ENDOD1: variants seen among roughly 807,000 people sequenced by gnomAD.
ENDOD1 encodes endonuclease domain-containing 1 protein.
ENDOD1 carries 9 observed loss-of-function variants against 6.5 expected under a neutral mutation model. The observed-to-expected ratio is 1.39, with a 90% CI of 0.84 to 2.43. The LOEUF (loss-of-function observed/expected upper bound fraction) is 2.43. Among genes scored for constraint, ENDOD1 ranks in the 30% most tolerant of loss-of-function variants. The pLI, the probability that ENDOD1 is intolerant of heterozygous loss-of-function variation, is 0.00. For synonymous variants in ENDOD1, 255 were observed against 255.2 expected (o/e 1.00, Z 0.01); for missense variants, 648 against 635.5 (o/e 1.02, Z -0.21).
At chr11:95,114,943 G>A (rs765254328) in intron 1 of ENDOD1, among the ~76,000 whole-genome samples, 5 of 152,110 alleles carry the variant, frequency 3.3e-5, no homozygotes, top group Non-Finnish European at 7.4e-5. Flanking sequence ...CTCCTGTTTT[G>A]TTCATTTTAC....
Position 95,129,536 on chromosome 11 carries a change from G to T in ENDOD1, c.1460G>T (p.Arg487Leu), listed in dbSNP as rs745428202. The change falls in exon 2 of 2, where the codon CGG becomes CTG. Residue 487 changes from arginine to leucine, a missense_variant. By Grantham distance (102) the Arg-to-Leu change is moderately radical (BLOSUM62 -2). Coordinates refer to ENST00000278505, the MANE Select transcript of ENDOD1 (RefSeq NM_015036.3). Reference protein sequence around the residue: ...LFQVVFSVCKRIGYKVTFDNS... With the variant: ...LFQVVFSVCKLIGYKVTFDNS... ...CAGGTGGTTTTTAGTGTCTGCAAGCGGATTGGCTACAAGGTTACTTTTGAC... is the reference window on the plus strand; with the variant it reads ...CAGGTGGTTTTTAGTGTCTGCAAGCTGATTGGCTACAAGGTTACTTTTGAC... 6.2e-7 allele frequency: 1 copy of T among 1,614,050 alleles called. No individual in the cohort carries two copies. Among genetic ancestry groups the T allele is most frequent in the South Asian group, 1.1e-5 (1 of 91,068 alleles).
At chr11:95,101,520 GT>G (rs1859040857) in intron 1 of ENDOD1, among the ~76,000 whole-genome samples, 1 of 146,086 alleles carries the variant, frequency 6.8e-6, no homozygotes. Context: ...ACAATACTTA[GT>G]TTTTTAAGAT....
At chr11:95,108,781 G>A (rs1472763137) in intron 1 of ENDOD1, among the ~76,000 whole-genome samples, 3 of 151,972 alleles carry the variant, frequency 2.0e-5, no homozygotes, top group Admixed American at 1.3e-4. Flanking sequence ...TCCTTCCCTC[G>A]CTGGGTATTT....
At chr11:95,094,126 TATATAATTA>T (rs1555110101) in intron 1 of ENDOD1, among the ~76,000 whole-genome samples, 1 of 148,124 alleles carries the variant, frequency 6.8e-6, no homozygotes, top group Non-Finnish European at 1.5e-5. Flanking sequence ...ATATATAAAT[TATATAATTA>T]ATATATTATA....
chr11:95,121,994 G>A (rs1222946755), intron 1 of ENDOD1, among the ~76,000 whole-genome samples: 1 of 152,128 alleles, frequency 6.6e-6, no homozygotes, highest in Admixed American at 6.5e-5. Context: ...GTGCAAATGA[G>A]CAGGTATAAT....
intron 1 of ENDOD1, among the ~76,000 whole-genome samples, chr11:95,100,434 G>C (rs1003445524): frequency 6.6e-6 from 1 of 152,038 alleles, no homozygotes; most frequent in African/African-American, 2.4e-5. Context: ...GCCTTATCTG[G>C]TTTCACTCAA....
At position 95,129,215 on chromosome 11, in the gene ENDOD1, G is replaced by A; in HGVS notation, c.1139G>A (p.Gly380Asp). Residue 380 changes from glycine (G) to aspartate (D), a missense_variant, in exon 2 of 2, where the codon GGC (glycine) becomes GAC (aspartate). Transcript: ENST00000278505. The stretch of plus-strand genomic sequence containing the variant: ...ATAGAAAGTTGCCTTTACCGCCTGG[G>A]CTCAGCCACCATCTCATACTTCATG... The part of the protein sequence containing the change: ...NGIESCLYRL[G>D]SATISYFMAI... The A allele has an allele frequency of 1.2e-6, 2 of 1,614,128 alleles. No homozygotes were observed. The highest frequency in any genetic ancestry group is 1.7e-6 in the Non-Finnish European group (2 of 1,180,038).
In ENDOD1 at chr11:95,089,899, TC is replaced by T. The variant is rs2134158272; in HGVS notation, c.-28del. The stretch of plus-strand genomic sequence containing the variant: ...GCTCGCGCCGCGGCAGCCCAGCCGC[TC>T]GGCCCCGCCGCGCTCGCAGAGGCCG... On this transcript the variant is annotated 5_prime_UTR_variant, in exon 1 of 2. Coordinates refer to ENST00000278505, the MANE Select transcript of ENDOD1 (RefSeq NM_015036.3). 1 of 1,310,774 alleles carries T rather than the reference TC, an allele frequency of 7.6e-7. No homozygotes were observed. Among genetic ancestry groups the T allele is most frequent in the East Asian group, 3.2e-5 (1 of 31,732 alleles). The allele number at this position is 1,310,774 out of a possible 1,614,324, so 81.2% of individuals were successfully genotyped here. A position where few individuals can be genotyped will look rare whatever the true frequency, so the allele number is the denominator to read the frequency against.
chr11:95,099,004 TCTGGC>T (rs1859012432), intron 1 of ENDOD1, among the ~76,000 whole-genome samples: 5 of 152,158 alleles, frequency 3.3e-5, no homozygotes, highest in Non-Finnish European at 7.3e-5. Context: ...TGTTTCTAGC[TCTGGC>T]AGTCACACGC....
rs920424941 is a variant in ENDOD1, at chr11:95,129,720, A to T, written c.*141A>T. ...TGTCTGCTTGTTTTTGCAAAAGAAG[A>T]TGGCAGAATTTAGACTTGACAGAGG... On this transcript the variant is annotated 3_prime_UTR_variant, in exon 2 of 2. Transcript: ENST00000278505. 1.0e-5 allele frequency: 9 copies of T among 873,422 alleles called. No individual in the cohort carries two copies. Among genetic ancestry groups the T allele is most frequent in the Admixed American group, 8.3e-5 (3 of 36,112 alleles). 54.1% of individuals were successfully genotyped at this position (873,422 alleles called of 1,614,324 possible). A position where few individuals can be genotyped will look rare whatever the true frequency, so the allele number is the denominator to read the frequency against.
At position 95,129,370 on chromosome 11, in the gene ENDOD1, C is replaced by T. The variant is rs542402617; in HGVS notation, c.1294C>T (p.Arg432Cys). ...TTGCCGAGTTCTGAGCATCCCTGTC[C>T]GTGTCCTTGTGGATGTGGCCACTTT... is the stretch of plus-strand genomic sequence containing the variant. ...AICRVLSIPVRVLVDVATFPV... is the reference protein window; with the variant it reads ...AICRVLSIPVCVLVDVATFPV... Residue 432 changes from arginine to cysteine, a missense_variant, in exon 2 of 2, where the codon CGT (arginine) becomes TGT (cysteine). Arg to Cys is a radical substitution (Grantham distance 180). Coordinates refer to ENST00000278505, the MANE Select transcript of ENDOD1 (RefSeq NM_015036.3). The T allele has an allele frequency of 1.4e-5, 22 of 1,614,128 alleles. No homozygotes were observed. The highest frequency in any genetic ancestry group is 6.7e-5 in the Admixed American group (4 of 60,024).
intron 1 of ENDOD1, among the ~76,000 whole-genome samples, chr11:95,105,166 C>T (rs1859077716): frequency 6.6e-6 from 1 of 152,182 alleles, no homozygotes; most frequent in Admixed American, 6.5e-5. Context: ...AGATGGCACT[C>T]TCAAAATAGT....
At chr11:95,109,605 G>A (rs1859126948) in intron 1 of ENDOD1, among the ~76,000 whole-genome samples, 1 of 152,244 alleles carries the variant, frequency 6.6e-6, no homozygotes, top group Non-Finnish European at 1.5e-5. Flanking sequence ...AGACTCCTCT[G>A]CTTTGTCTTT....
At position 95,089,924 on chromosome 11, in the gene ENDOD1, C is replaced by A. The variant is rs1389812508; in HGVS notation, c.-4C>A. The A allele has an allele frequency of 3.5e-5, 49 of 1,389,374 alleles. No individual in the cohort carries two copies. The highest frequency in any genetic ancestry group is 4.6e-5 in the Non-Finnish European group (49 of 1,065,288). 86.1% of individuals were successfully genotyped at this position (1,389,374 alleles called of 1,614,324 possible). A position where few individuals can be genotyped will look rare whatever the true frequency, so the allele number is the denominator to read the frequency against. ...TCGGCCCCGCCGCGCTCGCAGAGGCCGCCATGGGCACCGCGCGCTGGCTCG... is the reference window on the plus strand; with the variant it reads ...TCGGCCCCGCCGCGCTCGCAGAGGCAGCCATGGGCACCGCGCGCTGGCTCG... On this transcript the variant is annotated 5_prime_UTR_variant, in exon 1 of 2. Transcript: ENST00000278505.
intron 1 of ENDOD1, among the ~76,000 whole-genome samples, chr11:95,122,619 C>CACACACACACAG (rs1448301739): frequency 6.7e-6 from 1 of 148,740 alleles, no homozygotes; most frequent in African/African-American, 2.5e-5. Flanking sequence ...CACACACACA[C>CACACACACACAG]ACACAGACAC....
At chr11:95,098,858 C>CT (rs1396743993) in intron 1 of ENDOD1, among the ~76,000 whole-genome samples, 1 of 152,200 alleles carries the variant, frequency 6.6e-6, no homozygotes, top group Non-Finnish European at 1.5e-5. Flanking sequence ...CCTGAGCTGT[C>CT]TGACACCAGA....
At chr11:95,092,106 C>T (rs1300178446) in intron 1 of ENDOD1, among the ~76,000 whole-genome samples, 7 of 152,024 alleles carry the variant, frequency 4.6e-5, no homozygotes, top group Admixed American at 4.6e-4. Context: ...GACATTTCTG[C>T]TGTGTGTGGA....
In ENDOD1 at chr11:95,090,294, T is replaced by G. The variant is rs1858916585; in HGVS notation, c.300+67T>G. The G allele has an allele frequency of 4.5e-6, 6 of 1,347,406 alleles. No homozygotes were observed. The Admixed American group carries it at 1.9e-4, about 42-fold the overall frequency. The allele number at this position is 1,347,406 out of a possible 1,614,324, so 83.5% of individuals were successfully genotyped here. A position where few individuals can be genotyped will look rare whatever the true frequency, so the allele number is the denominator to read the frequency against. On this transcript the variant is annotated intron_variant, in intron 1 of 1. Transcript: ENST00000278505. ...ACCGTGCCGCTGGACATGCCCCCAG[T>G]TGCAGCTACCGCGAGGGGCGGGCCG...
Position 95,090,152 on chromosome 11 carries a change from C to T in ENDOD1, c.225C>T (p.Ile75=), listed in dbSNP as rs1373131657. The T allele has an allele frequency of 1.3e-6, 2 of 1,486,840 alleles. No homozygotes were observed. The highest frequency in any genetic ancestry group is 1.8e-6 in the Non-Finnish European group (2 of 1,109,212). The allele number at this position is 1,486,840 out of a possible 1,614,324, so 92.1% of individuals were successfully genotyped here. A position where few individuals can be genotyped will look rare whatever the true frequency, so the allele number is the denominator to read the frequency against. The change falls in exon 1 of 2, where the codon ATC becomes ATT. Residue 75 remains isoleucine (I), a synonymous_variant. Transcript: ENST00000278505. ...CCCTCTACAGCACCCGGGACCGCAT[C>T]CCCGTGTACTCCGCGTTCCGCGCCC... The part of the protein sequence containing the change: ...FATLYSTRDR[I]PVYSAFRAPR...
Sources: gnomAD v4.1 joint callset for allele counts (sites outside exome capture counted in the v4.1 genomes callset) on GRCh38, gnomAD v4.1.1 for gene constraint, MANE v1.5 for transcripts, NCBI Gene and HGNC (gene_info 2026-07-23, HGNC 2026-07-21) for gene names.